Variants in MTMR7 observed in about 807,000 individuals in gnomAD.
The protein encoded by MTMR7 is myotubularin related protein 7, also known as phosphatidylinositol-3-phosphate phosphatase MTMR7.
A neutral mutation model predicts 81.2 loss-of-function variants in MTMR7; 76 were observed. The ratio of observed to expected loss-of-function variants is 0.94; its 90% confidence interval spans 0.78 to 1.13. The LOEUF (loss-of-function observed/expected upper bound fraction) is 1.13. Ranked by LOEUF, MTMR7 falls within the 50% of genes most tolerant of loss-of-function variation. MTMR7 has a pLI of 0.00. For missense variants in MTMR7, 1,044 were observed against 820.0 expected, an observed-to-expected ratio of 1.27 and a Z score of -3.34; for synonymous variants, 372 against 289.8, an observed-to-expected ratio of 1.28 and a Z score of -2.88.
At chr8:17,369,027 C>T (rs1820324073) in intron 3 of MTMR7, among the ~76,000 whole-genome samples, 1 of 152,230 alleles carries the variant, frequency 6.6e-6, no homozygotes, top group Non-Finnish European at 1.5e-5. Context: ...CTCCTGGTCC[C>T]TGTGATTCAC....
intron 1 of MTMR7, among the ~76,000 whole-genome samples, chr8:17,386,011 C>A (rs1400907896): frequency 6.6e-6 from 1 of 152,162 alleles, no homozygotes; most frequent in Admixed American, 6.5e-5. Context: ...AATTTAAGCC[C>A]TTTTAATTTA....
intron 1 of MTMR7, among the ~76,000 whole-genome samples, chr8:17,403,197 G>T (rs10102263): frequency 0.022 from 3,315 of 152,150 alleles, 127 homozygotes; most frequent in African/African-American, 0.076. Flanking sequence ...CATTCTGTGG[G>T]TTGTCTCTTT....
At chr8:17,362,631 C>G (rs76821247) in intron 3 of MTMR7, among the ~76,000 whole-genome samples, 1 of 152,152 alleles carries the variant, frequency 6.6e-6, no homozygotes, top group Non-Finnish European at 1.5e-5. Flanking sequence ...CCTCCCCAAA[C>G]GCAGATCCTT....
chr8:17,380,780 T>A (rs973112783), intron 1 of MTMR7, among the ~76,000 whole-genome samples: 1 of 152,198 alleles, frequency 6.6e-6, no homozygotes, highest in Admixed American at 6.5e-5. Context: ...AATTAATATG[T>A]TTAGCATAGA....
intron 5 of MTMR7, among the ~76,000 whole-genome samples, chr8:17,345,191 G>A (rs555083773): frequency 6.6e-6 from 1 of 152,282 alleles, no homozygotes; most frequent in South Asian, 2.1e-4. Flanking sequence ...TGGTAAAACC[G>A]AGAGGGCCTC....
intron 7 of MTMR7, among the ~76,000 whole-genome samples, chr8:17,320,191 A>G (rs1818312354): frequency 6.6e-6 from 1 of 152,120 alleles, no homozygotes; most frequent in Admixed American, 6.6e-5. Flanking sequence ...TGGCCACCAG[A>G]AAGTTTAAAA....
rs955770709 is a variant in MTMR7 at position 17,413,275 on chromosome 8, C to T, written c.18G>A (p.Thr6=). ...CCGCGCTGGTGTCACCAACCTTGGG[C>T]GTACGGATGTGCTCCATGGCTGGCC... MEHIR[T]PKVENVRLVD... Residue 6 remains threonine (T), a synonymous_variant, in exon 1 of 14, where the codon ACG becomes ACA. Transcript: ENST00000180173. 3.2e-6 allele frequency: 5 copies of T among 1,548,276 alleles called. No individual in the cohort carries two copies. The South Asian group carries it at 4.8e-5, about 15-fold the overall frequency.
chr8:17,338,547 G>T (rs1000789634), intron 6 of MTMR7, among the ~76,000 whole-genome samples: 1 of 152,122 alleles, frequency 6.6e-6, no homozygotes, highest in African/African-American at 2.4e-5. Flanking sequence ...TAACTATTAG[G>T]AAATTCAAAA....
At position 17,305,756 on chromosome 8, in the gene MTMR7, CT is replaced by C; in HGVS notation, c.1352del (p.Lys451ArgfsTer21). 1.2e-6 allele frequency: 2 copies of C among 1,605,426 alleles called. No homozygotes were observed. The highest frequency in any genetic ancestry group is 8.5e-7 in the Non-Finnish European group (1 of 1,173,012). ...AACACCAAAAACACCAAAACACTTA[CT>C]TGAGTTCTCGTCTCTCCTTTTGGCT... Reference protein sequence around the residue: ...CNSQKERRELKIQERTYSLWA... With the variant: ...CNSQKERRELXIQERTYSLWA... On this transcript the variant is annotated frameshift_variant and splice_region_variant, in exon 11 of 14. Coordinates refer to ENST00000180173, the MANE Select transcript of MTMR7 (RefSeq NM_004686.5). LOFTEE classifies it high-confidence loss of function.
At chr8:17,412,869 C>A (rs1479490527) in intron 1 of MTMR7, among the ~76,000 whole-genome samples, 2 of 152,178 alleles carry the variant, frequency 1.3e-5, no homozygotes, top group African/African-American at 4.8e-5. Flanking sequence ...AGCTCGTTTT[C>A]CTTGCACCTG....
intron 6 of MTMR7, chr8:17,338,908 A>G (rs1333371870): frequency 7.1e-6 from 1 of 140,028 alleles, no homozygotes; most frequent in African/African-American, 2.5e-5. Context: ...GTAACTCCAC[A>G]CACTTCTCTC....
rs1816960068 is a variant in MTMR7 at position 17,299,552 on chromosome 8, A to T, written c.*310T>A. ...CTTTTTGAGAGATGCATGCTATGAC[A>T]AGGAAGATAGATACTGATCACTTCA... On this transcript the variant is annotated 3_prime_UTR_variant, in exon 14 of 14. Coordinates refer to ENST00000180173, the MANE Select transcript of MTMR7 (RefSeq NM_004686.5). 3.9e-6 allele frequency: 1 copy of T among 257,086 alleles called. No homozygotes were observed. Among genetic ancestry groups the T allele is most frequent in the Non-Finnish European group, 7.5e-6 (1 of 133,848 alleles). The allele number at this position is 257,086 out of a possible 1,614,324, so 15.9% of individuals were successfully genotyped here.
chr8:17,409,626 A>G (rs1821686149), intron 1 of MTMR7, among the ~76,000 whole-genome samples: 1 of 152,234 alleles, frequency 6.6e-6, no homozygotes, highest in Non-Finnish European at 1.5e-5. Context: ...CAGGACTTCC[A>G]TCAAGCAGGG....
At chr8:17,381,367 C>T (rs1461677845) in intron 1 of MTMR7, among the ~76,000 whole-genome samples, 2 of 152,030 alleles carry the variant, frequency 1.3e-5, no homozygotes, top group Non-Finnish European at 2.9e-5. Context: ...GTCAGGAAGA[C>T]CTCATAAATC....
intron 4 of MTMR7, among the ~76,000 whole-genome samples, chr8:17,353,156 C>T (rs952517631): frequency 6.6e-6 from 1 of 152,074 alleles, no homozygotes; most frequent in Non-Finnish European, 1.5e-5. Flanking sequence ...CACAGATGAA[C>T]CTTGAGGACA....
At chr8:17,337,020 AGAAAC>A (rs1819261899) in intron 6 of MTMR7, among the ~76,000 whole-genome samples, 1 of 152,190 alleles carries the variant, frequency 6.6e-6, no homozygotes, top group South Asian at 2.1e-4. Context: ...ATCCATGAAA[AGAAAC>A]AAAACAAAAC....
intron 1 of MTMR7, among the ~76,000 whole-genome samples, chr8:17,389,035 C>T (rs1032028101): frequency 6.6e-6 from 1 of 152,106 alleles, no homozygotes; most frequent in Non-Finnish European, 1.5e-5. Flanking sequence ...TTCTGAGGCC[C>T]AATAAGCAAA....
intron 7 of MTMR7, among the ~76,000 whole-genome samples, chr8:17,320,326 TA>T (rs1818318678): frequency 6.6e-6 from 1 of 152,048 alleles, no homozygotes; most frequent in Non-Finnish European, 1.5e-5. Flanking sequence ...ACCTCTAAAA[TA>T]AAATATGAAA....
rs184296651 is a variant in MTMR7, at chr8:17,328,557, G to A, written c.865+2593C>T. Among the ~76,000 whole-genome samples the A allele has an allele frequency of 1.6e-4, 25 of 152,076 alleles. 1 individual carries two copies. The highest frequency in any genetic ancestry group is 3.3e-4 in the Admixed American group (5 of 15,264). On this transcript the variant is annotated intron_variant, in intron 7 of 13. Coordinates refer to ENST00000180173, the MANE Select transcript of MTMR7 (RefSeq NM_004686.5). ...CACGTAGGGGAATAACACACATTGG[G>A]GCCTGTTGGCGGGGGTGGGGGAGTG...
Sources: allele counts gnomAD v4.1 joint callset (sites outside exome capture counted in the v4.1 genomes callset), GRCh38; gene constraint gnomAD v4.1.1; transcripts MANE v1.5; gene names NCBI Gene and HGNC (gene_info 2026-07-23, HGNC 2026-07-21).